The following ZHX1 variants were observed in gnomAD, a reference collection of about 807,000 sequenced individuals.
ZHX1 encodes zinc fingers and homeoboxes 1, also known as zinc fingers and homeoboxes protein 1.
In ZHX1, 20 loss-of-function variants were observed where a neutral mutation model predicts 61.8. That is an observed-to-expected ratio of 0.32 (90% CI 0.23 to 0.47). The LOEUF is 0.47. ZHX1 is among the 20% of genes least tolerant of loss of function. The pLI is 1.00. For synonymous variants in ZHX1, 318 were observed against 352.6 expected, an observed-to-expected ratio of 0.90 and a Z score of 1.10; for missense variants, 800 against 1,034.8, an observed-to-expected ratio of 0.77 and a Z score of 3.11.
Position 123,255,181 on chromosome 8 carries a change from C to A in ZHX1, c.766G>T (p.Val256Phe), listed in dbSNP as rs1203934017. 1.9e-6 allele frequency: 3 copies of A among 1,614,054 alleles called. No homozygotes were observed. Among genetic ancestry groups the A allele is most frequent in the Non-Finnish European group, 2.5e-6 (3 of 1,180,028 alleles). Residue 256 changes from valine to phenylalanine, a missense_variant, in exon 3 of 4, where the codon GTT becomes TTT. Val to Phe is a conservative substitution (Grantham distance 50). Transcript: ENST00000395571. ...TASTVVTPAA[V>F]LPGLAQVITA... ...ATCACCTGTGCCAATCCAGGAAGAA[C>A]TGCTGCTGGTGTCACTACCGTGCTG...
chr8:123,267,344 G>C lies in ZHX1; in HGVS notation c.-297C>G, dbSNP rs1826491008. 1.4e-6 allele frequency: 2 copies of C among 1,471,768 alleles called. No homozygotes were observed. The highest frequency in any genetic ancestry group is 1.8e-6 in the Non-Finnish European group (2 of 1,097,966). The allele number at this position is 1,471,768 out of a possible 1,614,324, so 91.2% of individuals were successfully genotyped here. Reference sequence around the variant, plus strand: ...CCCTTCTAGTTAGATGTTTAGCTCAGGCCATCATTACCAACAGGTCCAAAG... The same window carrying C: ...CCCTTCTAGTTAGATGTTTAGCTCACGCCATCATTACCAACAGGTCCAAAG... On this transcript the variant is annotated 5_prime_UTR_variant, in exon 2 of 4. Transcript: ENST00000395571.
At chr8:123,263,081 A>G (rs1287201542) in intron 2 of ZHX1, 1 of 147,836 alleles carries the variant, frequency 6.8e-6, no homozygotes, top group East Asian at 2.0e-4. Flanking sequence ...GGAAGGAAAT[A>G]TCAAAGTAAA....
At chr8:123,258,698 A>G (rs553365286) in intron 2 of ZHX1, among the ~76,000 whole-genome samples, 1 of 152,346 alleles carries the variant, frequency 6.6e-6, no homozygotes, top group African/African-American at 2.4e-5. Context: ...AGGAGGCATC[A>G]CCATAGAGAA....
At chr8:123,271,632 A>C (rs1826656495) in intron 1 of ZHX1, among the ~76,000 whole-genome samples, 1 of 152,196 alleles carries the variant, frequency 6.6e-6, no homozygotes, top group African/African-American at 2.4e-5. Context: ...TTTTATGCTT[A>C]ATTAGCATAA....
At chr8:123,251,264 C>A (rs1487310577) in intron 3 of ZHX1, among the ~76,000 whole-genome samples, 1 of 152,118 alleles carries the variant, frequency 6.6e-6, no homozygotes, top group Non-Finnish European at 1.5e-5. Context: ...TTTCTTGGGG[C>A]CTCCCAGTCA....
Position 123,267,332 on chromosome 8 carries a change from AT to A in ZHX1, c.-286del. ...ATGGAAGGGTATCCCTTCTAGTTAG[AT>A]GTTTAGCTCAGGCCATCATTACCAA... is the stretch of plus-strand genomic sequence containing the variant. On this transcript the variant is annotated 5_prime_UTR_variant, in exon 2 of 4. Coordinates refer to ENST00000395571, the MANE Select transcript of ZHX1 (RefSeq NM_007222.5). The A allele has an allele frequency of 6.6e-7, 1 of 1,517,914 alleles. No homozygotes were observed. Among genetic ancestry groups the A allele is most frequent in the Non-Finnish European group, 8.8e-7 (1 of 1,134,250 alleles). 94.0% of individuals were successfully genotyped at this position (1,517,914 alleles called of 1,614,324 possible).
At chr8:123,273,654 T>C (rs931434941) in intron 1 of ZHX1, 1 of 152,288 alleles carries the variant, frequency 6.6e-6, no homozygotes, top group Non-Finnish European at 1.5e-5. Flanking sequence ...CCTCAGTCAG[T>C]GCGCTCAGCT....
rs374360214 is a variant in ZHX1 at position 123,255,138 on chromosome 8, T to G, written c.809A>C (p.Gln270Pro). 4.3e-5 allele frequency: 69 copies of G among 1,614,118 alleles called. No individual in the cohort carries two copies. Among genetic ancestry groups the G allele is most frequent in the Non-Finnish European group, 5.6e-5 (66 of 1,180,038 alleles). Residue 270 changes from glutamine (Q) to proline (P), a missense_variant, in exon 3 of 4, where the codon CAG becomes CCG. Gln to Pro is a moderately conservative substitution (Grantham distance 76, BLOSUM62 -1). Coordinates refer to ENST00000395571, the MANE Select transcript of ZHX1 (RefSeq NM_007222.5). ...LAQVITAVSA[Q>P]QNSNLIPKVL... Reference sequence around the variant, plus strand: ...TTTGGGAATCAAATTAGAATTCTGCTGAGCAGATACAGCAGTTATCACCTG... The same window carrying G: ...TTTGGGAATCAAATTAGAATTCTGCGGAGCAGATACAGCAGTTATCACCTG...
chr8:123,272,486 T>G (rs1826688744), intron 1 of ZHX1, among the ~76,000 whole-genome samples: 1 of 152,222 alleles, frequency 6.6e-6, no homozygotes, highest in Non-Finnish European at 1.5e-5. Flanking sequence ...ACATTTCTTT[T>G]GCTTAAAATC....
In ZHX1 at chr8:123,253,363, G is replaced by T. The variant is rs748294823; in HGVS notation, c.2584C>A (p.Arg862=). ...TDDSDTWEPP[R]HVKRKLSKSD... ...TTAGACAGCTTCCGTTTCACATGTCGTGGAGGTTCCCAAGTGTCACTATCA... is the reference window on the plus strand; with the variant it reads ...TTAGACAGCTTCCGTTTCACATGTCTTGGAGGTTCCCAAGTGTCACTATCA... Residue 862 remains arginine, a synonymous_variant, in exon 3 of 4, where the codon CGA becomes AGA. Transcript: ENST00000395571. 2 of 1,612,838 alleles carry T rather than the reference G, an allele frequency of 1.2e-6. No homozygotes were observed. The highest frequency in any genetic ancestry group is 2.2e-5 in the South Asian group (2 of 90,934).
In ZHX1 at chr8:123,249,167, T is replaced by C. The variant is rs1354852578; in HGVS notation, c.*1157A>G. 2 of 152,594 alleles carry C rather than the reference T, an allele frequency of 1.3e-5. No individual in the cohort carries two copies. The highest frequency in any genetic ancestry group is 2.9e-5 in the Non-Finnish European group (2 of 67,996). 9.5% of individuals were successfully genotyped at this position (152,594 alleles called of 1,614,324 possible). On this transcript the variant is annotated 3_prime_UTR_variant, in exon 4 of 4. Coordinates refer to ENST00000395571, the MANE Select transcript of ZHX1 (RefSeq NM_007222.5). ...AAAGCTAATTAAACTGAACATTTCTTCTACGAAGAAAGCGCATTTTGAAAA... is the reference window on the plus strand; with the variant it reads ...AAAGCTAATTAAACTGAACATTTCTCCTACGAAGAAAGCGCATTTTGAAAA...
chr8:123,262,352 A>T (rs1826299515), intron 2 of ZHX1, among the ~76,000 whole-genome samples: 1 of 152,228 alleles, frequency 6.6e-6, no homozygotes, highest in Non-Finnish European at 1.5e-5. Context: ...TAAATTTTTT[A>T]AAACTCAGAA....
In ZHX1 at chr8:123,254,176, A is replaced by G; in HGVS notation, c.1771T>C (p.Ser591Pro). ...TTTAATTCTTCATCTGTAAGTACAG[A>G]GCTGTTGAGAAAACTTGCCTGAAGG... ...RVLQASFLNS[S>P]VLTDEELNRL... The change falls in exon 3 of 4, where the codon TCT becomes CCT. Residue 591 changes from serine (S) to proline (P), a missense_variant. Ser to Pro is a moderately conservative substitution (Grantham distance 74). Coordinates refer to ENST00000395571, the MANE Select transcript of ZHX1 (RefSeq NM_007222.5). The surrounding 1 kb of genome is among the most constrained non-coding windows in gnomAD (Gnocchi z 4.1). The G allele has an allele frequency of 3.1e-6, 5 of 1,614,096 alleles. No individual in the cohort carries two copies. Among genetic ancestry groups the G allele is most frequent in the Non-Finnish European group, 4.2e-6 (5 of 1,180,004 alleles).
intron 2 of ZHX1, among the ~76,000 whole-genome samples, chr8:123,258,017 AT>A (rs1306165028): frequency 6.6e-6 from 1 of 152,122 alleles, no homozygotes; most frequent in Non-Finnish European, 1.5e-5. Flanking sequence ...ATTGTGTCTC[AT>A]TTTTAATAAC....
chr8:123,263,613 A>G lies in ZHX1; in HGVS notation c.-226+3660T>C, dbSNP rs576572297. Among the ~76,000 whole-genome samples, 35 of 152,196 alleles carry G rather than the reference A, an allele frequency of 2.3e-4. No individual in the cohort carries two copies. In the East Asian group the frequency reaches 6.4e-3, roughly 28 times the overall value. ...TTGGGAGGCCAAAGTGGGCAGATCA[A>G]TTGAGGTCAGAAGTTCGAGACCAAC... On this transcript the variant is annotated intron_variant, in intron 2 of 3. Transcript: ENST00000395571.
Position 123,263,822 on chromosome 8 carries a change from A to C in ZHX1, c.-226+3451T>G, listed in dbSNP as rs1017328585. 3.9e-5 allele frequency among the ~76,000 whole-genome samples: 6 copies of C among 152,152 alleles called. 1 individual carries two copies. Among genetic ancestry groups the C allele is most frequent in the Middle Eastern group, 6.8e-3 (2 of 294 alleles). On this transcript the variant is annotated intron_variant, in intron 2 of 3. Coordinates refer to ENST00000395571, the MANE Select transcript of ZHX1 (RefSeq NM_007222.5). The stretch of plus-strand genomic sequence containing the variant: ...GCACTCCAGCCTGGGCGACAGAAGA[A>C]GACTCCGTCTCAAAAAAAAAAAATC...
chr8:123,271,542 G>C (rs1189457573), intron 1 of ZHX1, among the ~76,000 whole-genome samples: 1 of 152,040 alleles, frequency 6.6e-6, no homozygotes, highest in Admixed American at 6.6e-5. Context: ...CTACATTTGT[G>C]ATCATTTTAA....
chr8:123,271,061 T>G (rs1002274112), intron 1 of ZHX1, among the ~76,000 whole-genome samples: 9 of 152,152 alleles, frequency 5.9e-5, no homozygotes, highest in Non-Finnish European at 8.8e-5. Flanking sequence ...TAAACTCAAA[T>G]GTATATTCTG....
At chr8:123,260,772 TTTGG>T (rs1826224758) in intron 2 of ZHX1, among the ~76,000 whole-genome samples, 1 of 151,614 alleles carries the variant, frequency 6.6e-6, no homozygotes, top group Non-Finnish European at 1.5e-5. Context: ...ACCCCAGCAC[TTTGG>T]GAAGCTGGCA....
Sources: allele counts gnomAD v4.1 joint callset (sites outside exome capture counted in the v4.1 genomes callset), GRCh38; gene constraint gnomAD v4.1.1; non-coding constraint Gnocchi (gnomAD v3.1); transcripts MANE v1.5; gene names NCBI Gene and HGNC (gene_info 2026-07-23, HGNC 2026-07-21).